Variants in PZP observed in about 807,000 individuals in gnomAD.
PZP encodes pregnancy zone protein.
Under a neutral mutation model 179.8 loss-of-function variants are expected in PZP, and 150 were observed. That is an observed-to-expected ratio of 0.83 (90% CI 0.73 to 0.96). The LOEUF (loss-of-function observed/expected upper bound fraction) is 0.96, where lower values mean the gene tolerates loss of function less well. Among genes scored for constraint, PZP ranks in the 40% least tolerant of loss-of-function variants. The pLI is 0.00. For synonymous variants in PZP, 624 were observed against 652.3 expected (o/e 0.96, Z 0.66); for missense variants, 1,689 against 1,764.0 (o/e 0.96, Z 0.76).
chr12:9,186,006 C>T (rs145690438), intron 13 of PZP, among the ~76,000 whole-genome samples: 2 of 151,990 alleles, frequency 1.3e-5, no homozygotes, highest in African/African-American at 4.8e-5. Context: ...TGGGGTTTCA[C>T]CATGTTGGCC....
chr12:9,165,498 G>A, intron 18 of PZP, 131 bp from the exon 19 acceptor site: 8 of 977,118 alleles, frequency 8.2e-6, no homozygotes, highest in Non-Finnish European at 1.2e-5. Flanking sequence ...GTGCATTCGT[G>A]TGAACACTAG....
At position 9,182,014 on chromosome 12, in the gene PZP, G is replaced by A; in HGVS notation, c.1650C>T (p.Asp550=). 1.9e-6 allele frequency: 3 copies of A among 1,613,740 alleles called. No individual in the cohort carries two copies. The highest frequency in any genetic ancestry group is 2.5e-6 in the Non-Finnish European group (3 of 1,179,804). ...AILPDGEVVG[D]SEKFEIENCL... ...AGTTTTCAATCTCAAATTTTTCAGA[G>A]TCTCCAACAACTTCTCCATCTGGTA... is the stretch of plus-strand genomic sequence containing the variant. The change falls in exon 14 of 36, where the codon GAC becomes GAT. Residue 550 remains aspartate (D), a synonymous_variant. Transcript: ENST00000261336.
Position 9,180,978 on chromosome 12 carries a change from C to T in PZP, c.1839+5G>A. ...TCCTGGTCCCCAAGGCCACTGGAAACTCACTGAGGACACAGAGAGCTCAGC... is the reference window on the plus strand; with the variant it reads ...TCCTGGTCCCCAAGGCCACTGGAAATTCACTGAGGACACAGAGAGCTCAGC... On this transcript the variant is annotated splice_donor_5th_base_variant and intron_variant, in intron 15 of 35. Transcript: ENST00000261336. 6.2e-7 allele frequency: 1 copy of T among 1,610,922 alleles called. No individual in the cohort carries two copies. The highest frequency in any genetic ancestry group is 8.5e-7 in the Non-Finnish European group (1 of 1,178,964).
chr12:9,171,197 C>A (rs767000175), intron 15 of PZP, among the ~76,000 whole-genome samples: 5 of 152,266 alleles, frequency 3.3e-5, no homozygotes, highest in South Asian at 4.1e-4. Context: ...GATACTTCCA[C>A]GTACGGGAGA....
intron 10 of PZP, 33 bp from the exon 11 acceptor site, chr12:9,194,271 A>T (rs775447192): frequency 1.2e-6 from 2 of 1,605,674 alleles, no homozygotes; most frequent in East Asian, 4.5e-5. Context: ...AGTTGATGTG[A>T]ACAACACCCA....
At chr12:9,166,459 A>G (rs1279829312) in intron 17 of PZP, among the ~76,000 whole-genome samples, 2 of 152,156 alleles carry the variant, frequency 1.3e-5, no homozygotes, top group African/African-American at 4.8e-5. Flanking sequence ...AAACGAGATC[A>G]CTTGGAGACA....
At chr12:9,187,519 G>C (rs192020454) in intron 13 of PZP, among the ~76,000 whole-genome samples, 89 of 152,218 alleles carry the variant, frequency 5.8e-4, no homozygotes, top group Non-Finnish European at 1.1e-3. Flanking sequence ...AATTCAATAA[G>C]AAGAAAATCA....
chr12:9,183,841 T>G (rs1449087058), intron 13 of PZP, among the ~76,000 whole-genome samples: 2 of 152,232 alleles, frequency 1.3e-5, no homozygotes, highest in Non-Finnish European at 2.9e-5. Context: ...CACTATGTGT[T>G]TATACTGCAA....
At chr12:9,196,893 T>C (rs1364914756) in intron 8 of PZP, 119 bp downstream of exon 8, 1 of 890,504 alleles carries the variant, frequency 1.1e-6, no homozygotes, top group Non-Finnish European at 1.8e-6. Context: ...CAGAAATTCG[T>C]TTTTTGGTGG....
rs138125311 is a variant in PZP, at chr12:9,188,445, C to T, written c.1546+3748G>A. Among the ~76,000 whole-genome samples, 508 of 152,300 alleles carry T rather than the reference C, an allele frequency of 3.3e-3. 4 individuals carry two copies. The highest frequency in any genetic ancestry group is 0.012 in the African/African-American group (478 of 41,560). On this transcript the variant is annotated intron_variant, in intron 13 of 35. Transcript: ENST00000261336. ...TGAATGGGCAAAAGCTGGAAGCATT[C>T]TCCTTAAAAACTGGCACAAGACAAG...
At chr12:9,202,257 C>G in intron 4 of PZP, 62 bp downstream of exon 4, 2 of 1,398,684 alleles carry the variant, frequency 1.4e-6, no homozygotes, top group Non-Finnish European at 2.0e-6. Context: ...ACCTTTCTAC[C>G]TCACTCTGGG....
At chr12:9,157,110 G>A in intron 28 of PZP, 65 bp downstream of exon 28, 1 of 1,492,504 alleles carries the variant, frequency 6.7e-7, no homozygotes, top group Non-Finnish European at 9.2e-7. Context: ...GCCCCAATGT[G>A]TGCTGTTCCC....
chr12:9,160,944 A>C, intron 23 of PZP, 89 bp downstream of exon 23: 1 of 1,130,416 alleles, frequency 8.8e-7, no homozygotes, highest in Non-Finnish European at 1.3e-6. Context: ...GCAGCTATCA[A>C]GAACTTGATA....
Position 9,181,004 on chromosome 12 carries a change from C to T in PZP, c.1818G>A (p.Glu606=), listed in dbSNP as rs151041126. The change falls in exon 15 of 36, where the codon GAG becomes GAA. Residue 606 remains glutamate (E), a synonymous_variant. Coordinates refer to ENST00000261336, the MANE Select transcript of PZP (RefSeq NM_002864.3). The part of the protein sequence containing the change: ...VDQSVLLMKP[E]AELSVSSVYN... The stretch of plus-strand genomic sequence containing the variant: ...TCACTGAGGACACAGAGAGCTCAGC[C>T]TCAGGCTTCATGAGCAGCACACTTT... 9.6e-5 allele frequency: 155 copies of T among 1,613,928 alleles called. No individual in the cohort carries two copies. Among genetic ancestry groups the T allele is most frequent in the Admixed American group, 3.0e-4 (18 of 59,998 alleles).
At chr12:9,205,292 C>T (rs1414091848) in intron 1 of PZP, among the ~76,000 whole-genome samples, 1 of 152,106 alleles carries the variant, frequency 6.6e-6, no homozygotes, top group Non-Finnish European at 1.5e-5. Context: ...ATTTTCCTGT[C>T]ACTTTCCAGA....
Position 9,205,329 on chromosome 12 carries a change from A to T in PZP, c.84-1378T>A, listed in dbSNP as rs1306290698. Among the ~76,000 whole-genome samples, 3 of 151,972 alleles carry T rather than the reference A, an allele frequency of 2.0e-5. No homozygotes were observed. The East Asian group carries it at 5.8e-4, about 29-fold the overall frequency. On this transcript the variant is annotated intron_variant, in intron 1 of 35. Transcript: ENST00000261336. The stretch of plus-strand genomic sequence containing the variant: ...GCCTCCAATTCAATATAATCTCTCC[A>T]CACTCTGAAATCCCATGGGCTGAAA...
the PZP span, among the ~76,000 whole-genome samples, chr12:9,136,714 G>A: frequency 6.6e-6 from 1 of 151,856 alleles, no homozygotes; most frequent in African/African-American, 2.4e-5. Context: ...TTTGATAATA[G>A]GCATCCTGAC....
At chr12:9,191,327 A>G (rs372522662) in intron 13 of PZP, among the ~76,000 whole-genome samples, 27 of 152,274 alleles carry the variant, frequency 1.8e-4, no homozygotes, top group African/African-American at 6.0e-4. Flanking sequence ...TCCATTCTCC[A>G]TATCTAACTA....
chr12:9,188,231 A>C (rs1338223088), intron 13 of PZP, among the ~76,000 whole-genome samples: 1 of 152,250 alleles, frequency 6.6e-6, no homozygotes, highest in Non-Finnish European at 1.5e-5. Context: ...TAGGCATATC[A>C]ATAAATGTGA....
Sources: gnomAD v4.1 joint callset for allele counts (sites outside exome capture counted in the v4.1 genomes callset) on GRCh38, gnomAD v4.1.1 for gene constraint, MANE v1.5 for transcripts, NCBI Gene and HGNC (gene_info 2026-07-23, HGNC 2026-07-21) for gene names.